Variants in AFG2A observed in about 807,000 individuals in gnomAD.
AFG2A encodes ATPase family gene 2 protein homolog A.
chr4:123,298,741 G>A, the AFG2A span, among the ~76,000 whole-genome samples: 1 of 152,152 alleles, frequency 6.6e-6, no homozygotes, highest in African/African-American at 2.4e-5. Flanking sequence ...AATCAAGAGT[G>A]TTCATTAAAA....
the AFG2A span, among the ~76,000 whole-genome samples, chr4:123,194,842 T>C: frequency 6.6e-6 from 1 of 152,172 alleles, no homozygotes; most frequent in Non-Finnish European, 1.5e-5. Context: ...GAAGTAGTAA[T>C]AAAAATAATG....
the AFG2A span, among the ~76,000 whole-genome samples, chr4:123,202,149 G>T: frequency 0.011 from 1,692 of 151,954 alleles, 32 homozygotes; most frequent in South Asian, 0.088. Flanking sequence ...TTTATGCTGG[G>T]GTTAATATTC....
the AFG2A span, among the ~76,000 whole-genome samples, chr4:123,197,818 G>T: frequency 6.6e-6 from 1 of 151,794 alleles, no homozygotes; most frequent in African/African-American, 2.4e-5. Flanking sequence ...TTACCTTCAT[G>T]GATGTTTTAA....
the AFG2A span, among the ~76,000 whole-genome samples, chr4:122,933,857 A>G: frequency 3.3e-5 from 5 of 152,088 alleles, no homozygotes; most frequent in African/African-American, 1.2e-4. Flanking sequence ...CTATTTGTTG[A>G]TGTGATTGAT....
At chr4:123,023,268 C>A in the AFG2A span, among the ~76,000 whole-genome samples, 5 of 152,086 alleles carry the variant, frequency 3.3e-5, no homozygotes, top group Non-Finnish European at 5.9e-5. Flanking sequence ...GTCCCATGAT[C>A]ACTACCTGGG....
chr4:123,076,044 G>A, the AFG2A span, among the ~76,000 whole-genome samples: 1 of 151,454 alleles, frequency 6.6e-6, no homozygotes, highest in African/African-American at 2.4e-5. Context: ...TATAATCTCA[G>A]CACTTTGGGA....
At chr4:123,143,969 G>A in the AFG2A span, among the ~76,000 whole-genome samples, 7 of 151,660 alleles carry the variant, frequency 4.6e-5, no homozygotes, top group East Asian at 1.2e-3. Flanking sequence ...TGTTTTCATC[G>A]TAATGCTATA....
chr4:123,318,137 C>T, the AFG2A span: 1 of 152,138 alleles, frequency 6.6e-6, no homozygotes, highest in Non-Finnish European at 1.5e-5. Context: ...TCCACAGTGC[C>T]CACAACCCCA....
At chr4:123,185,780 T>A in the AFG2A span, among the ~76,000 whole-genome samples, 1 of 152,056 alleles carries the variant, frequency 6.6e-6, no homozygotes. Context: ...ATCAGTTAAG[T>A]ACCACAATAT....
At chr4:123,315,769 G>A in the AFG2A span, 1 of 152,110 alleles carries the variant, frequency 6.6e-6, no homozygotes, top group Non-Finnish European at 1.5e-5. Flanking sequence ...GTTTTGTGGT[G>A]GCATACATTC....
At chr4:123,049,942 T>C in the AFG2A span, among the ~76,000 whole-genome samples, 1 of 152,114 alleles carries the variant, frequency 6.6e-6, no homozygotes, top group Non-Finnish European at 1.5e-5. Context: ...TTGATTTGGG[T>C]GTTTAAGGCT....
the AFG2A span, among the ~76,000 whole-genome samples, chr4:123,150,366 T>G: frequency 6.6e-6 from 1 of 152,124 alleles, no homozygotes. Flanking sequence ...GATTGTATAT[T>G]TAGAAAACCC....
chr4:123,009,027 C>T, the AFG2A span, among the ~76,000 whole-genome samples: 1 of 152,150 alleles, frequency 6.6e-6, no homozygotes, highest in Admixed American at 6.5e-5. Context: ...ACTAGAAGGA[C>T]TCACTGGACT....
the AFG2A span, among the ~76,000 whole-genome samples, chr4:123,093,235 C>A: frequency 6.6e-6 from 1 of 152,172 alleles, no homozygotes; most frequent in Non-Finnish European, 1.5e-5. Flanking sequence ...GCAGGGCTAA[C>A]TCATAAGCAG....
At chr4:123,115,312 C>T in the AFG2A span, among the ~76,000 whole-genome samples, 12 of 152,168 alleles carry the variant, frequency 7.9e-5, no homozygotes, top group South Asian at 1.7e-3. Flanking sequence ...ACAGTCACTC[C>T]GACGTGGGGT....
the AFG2A span, among the ~76,000 whole-genome samples, chr4:123,265,544 C>G: frequency 1.3e-5 from 2 of 152,092 alleles, no homozygotes; most frequent in Non-Finnish European, 2.9e-5. Context: ...GCTAATCATA[C>G]TCCAGAACAC....
At chr4:122,929,047 C>T in the AFG2A span, 1 of 1,613,270 alleles carries the variant, frequency 6.2e-7, no homozygotes. Context: ...CAGGTGTATA[C>T]AGCCTGGCCT....
At chr4:123,318,992 G>A in the AFG2A span, 1 of 152,128 alleles carries the variant, frequency 6.6e-6, no homozygotes, top group Admixed American at 6.5e-5. Flanking sequence ...TGTCTTTTTA[G>A]TGTTCCAGGA....
the AFG2A span, among the ~76,000 whole-genome samples, chr4:123,209,655 A>G: frequency 2.1e-5 from 3 of 144,094 alleles, no homozygotes; most frequent in Admixed American, 7.3e-5. Flanking sequence ...TGGTGCAATC[A>G]TAGCTCGCTG....
Sources: gnomAD v4.1 joint callset for allele counts (sites outside exome capture counted in the v4.1 genomes callset) on GRCh38, gnomAD v4.1.1 for gene constraint, MANE v1.5 for transcripts, NCBI Gene and HGNC (gene_info 2026-07-23, HGNC 2026-07-21) for gene names.